DDI2: variants seen among roughly 807,000 people sequenced by gnomAD.
The protein encoded by DDI2 is protein DDI1 homolog 2.
A neutral mutation model predicts 48.1 loss-of-function variants in DDI2; 5 were observed. The ratio of observed to expected loss-of-function variants is 0.10; its 90% CI spans 0.05 to 0.22. The LOEUF (loss-of-function observed/expected upper bound fraction) is 0.22. DDI2 is among the 10% of genes least tolerant of loss of function. The pLI is 1.00. For synonymous variants in DDI2, 205 were observed against 183.6 expected (o/e 1.12, Z -0.94); for missense variants, 285 against 506.2 (o/e 0.56, Z 4.19).
intron 9 of DDI2, chr1:15,656,988 A>G (rs974790911): frequency 4.7e-6 from 1 of 213,484 alleles, no homozygotes; most frequent in Non-Finnish European, 9.3e-6. Context: ...TGGCCTCACA[A>G]CACTTTGTTG....
At chr1:15,636,930 T>C (rs1172451452) in intron 4 of DDI2, among the ~76,000 whole-genome samples, 1 of 152,254 alleles carries the variant, frequency 6.6e-6, no homozygotes, top group Non-Finnish European at 1.5e-5. Flanking sequence ...TTTTTTTGCC[T>C]AAACAGCAGG....
intron 8 of DDI2, chr1:15,656,388 C>G (rs976193080): frequency 7.2e-7 from 1 of 1,391,858 alleles, no homozygotes; most frequent in African/African-American, 1.5e-5. Context: ...AATTTCTTTA[C>G]AAGATCTATT....
intron 9 of DDI2, among the ~76,000 whole-genome samples, chr1:15,658,787 G>A (rs563789417): frequency 7.9e-5 from 12 of 151,812 alleles, no homozygotes; most frequent in East Asian, 1.9e-4. Context: ...ACTTACATGC[G>A]TAGAGGTCAA....
At chr1:15,652,841 A>T (rs934073909) in intron 8 of DDI2, among the ~76,000 whole-genome samples, 4 of 151,122 alleles carry the variant, frequency 2.6e-5, no homozygotes, top group African/African-American at 9.7e-5. Context: ...ATAATAATAA[A>T]AATTAAAAAA....
rs1640186317 is a variant in DDI2 at position 15,651,717 on chromosome 1, C to T, written c.1005C>T (p.Asp335=). ...DMLKRHQCSI[D]LKKNVLVIGT... ...TTCTTTCTTCCAAGTGTTCCATCGACCTGAAGAAAAATGTACTCGTGATCG... is the reference window on the plus strand; with the variant it reads ...TTCTTTCTTCCAAGTGTTCCATCGATCTGAAGAAAAATGTACTCGTGATCG... Residue 335 remains aspartate, a synonymous_variant, in exon 8 of 10, where the codon GAC becomes GAT. Coordinates refer to ENST00000480945, the MANE Select transcript of DDI2 (RefSeq NM_032341.5). 6.2e-7 allele frequency: 1 copy of T among 1,604,670 alleles called. No individual in the cohort carries two copies. Among genetic ancestry groups the T allele is most frequent in the African/African-American group, 1.3e-5 (1 of 74,382 alleles).
At position 15,660,092 on chromosome 1, in the gene DDI2, A is replaced by G. The variant is rs557366280; in HGVS notation, c.*302A>G. ...GAAAAGAAAGAACATCTTTCTTTAC[A>G]AGATCTTTCTGATCATGCTTCCTCA... On this transcript the variant is annotated 3_prime_UTR_variant, in exon 10 of 10. Coordinates refer to ENST00000480945, the MANE Select transcript of DDI2 (RefSeq NM_032341.5). 2.5e-6 allele frequency: 4 copies of G among 1,614,104 alleles called. No homozygotes were observed. In the African/African-American group the frequency reaches 5.3e-5, roughly 22 times the overall value.
intron 1 of DDI2, among the ~76,000 whole-genome samples, chr1:15,624,224 C>T (rs768528351): frequency 3.3e-5 from 5 of 152,166 alleles, no homozygotes; most frequent in Non-Finnish European, 7.4e-5. Context: ...TGCCTACCTG[C>T]CATTTCTCTT....
At chr1:15,656,835 T>A in intron 9 of DDI2, 156 bp downstream of exon 9, 1 of 981,386 alleles carries the variant, frequency 1.0e-6, no homozygotes, top group Non-Finnish European at 1.5e-6. Flanking sequence ...TATTTTGGCA[T>A]GCATACATGG....
chr1:15,654,937 C>CTTT (rs60979134), intron 8 of DDI2, among the ~76,000 whole-genome samples: 50 of 140,658 alleles, frequency 3.6e-4, no homozygotes, highest in South Asian at 1.2e-3. Flanking sequence ...TATGAAATGT[C>CTTT]TTTTTTTTTT....
chr1:15,630,463 C>T lies in DDI2; in HGVS notation c.407C>T (p.Ala136Val). 6.2e-7 allele frequency: 1 copy of T among 1,614,212 alleles called. No individual in the cohort carries two copies. The highest frequency in any genetic ancestry group is 8.5e-7 in the Non-Finnish European group (1 of 1,180,038). The change falls in exon 3 of 10, where the codon GCC becomes GTC. Residue 136 changes from alanine to valine, a missense_variant. By Grantham distance (64) the Ala-to-Val change is moderately conservative. Transcript: ENST00000480945. ...TSSPQGLDNPALLRDMLLANP... is the reference protein window; with the variant it reads ...TSSPQGLDNPVLLRDMLLANP... ...TCTCCTCAGGGCTTGGACAATCCAGCCTTGCTCCGAGATATGTTGCTGGCC... is the reference window on the plus strand; with the variant it reads ...TCTCCTCAGGGCTTGGACAATCCAGTCTTGCTCCGAGATATGTTGCTGGCC...
At position 15,663,993 on chromosome 1, in the gene DDI2, A is replaced by T. The variant is rs1640416127; in HGVS notation, c.*4203A>T. 1 of 152,126 alleles carries T rather than the reference A, an allele frequency of 6.6e-6. No individual in the cohort carries two copies. The highest frequency in any genetic ancestry group is 6.6e-5 in the Admixed American group (1 of 15,266). 9.4% of individuals were successfully genotyped at this position (152,126 alleles called of 1,614,324 possible). On this transcript the variant is annotated 3_prime_UTR_variant, in exon 10 of 10. Coordinates refer to ENST00000480945, the MANE Select transcript of DDI2 (RefSeq NM_032341.5). ...TATGTATATTTATTTTTAGGAATAGATCTATAGTTGTACATGAATTCCTGT... is the reference window on the plus strand; with the variant it reads ...TATGTATATTTATTTTTAGGAATAGTTCTATAGTTGTACATGAATTCCTGT...
At chr1:15,656,425 C>T (rs1049603393) in intron 8 of DDI2, 192 bp from the exon 9 acceptor site, 7 of 1,440,198 alleles carry the variant, frequency 4.9e-6, no homozygotes, top group African/African-American at 2.9e-5. Context: ...TAACAGATTG[C>T]TGTGTGTATT....
intron 8 of DDI2, among the ~76,000 whole-genome samples, chr1:15,652,852 A>G (rs1173357463): frequency 2.0e-5 from 3 of 151,814 alleles, no homozygotes; most frequent in African/African-American, 7.3e-5. Context: ...AATTAAAAAA[A>G]AATTAGCAGG....
intron 1 of DDI2, among the ~76,000 whole-genome samples, chr1:15,620,768 A>G (rs1359577524): frequency 6.6e-6 from 1 of 152,222 alleles, no homozygotes; most frequent in African/African-American, 2.4e-5. Flanking sequence ...CATAACGTGC[A>G]TTATATGCAT....
chr1:15,619,358 T>C (rs1639619150), intron 1 of DDI2, among the ~76,000 whole-genome samples: 1 of 152,044 alleles, frequency 6.6e-6, no homozygotes, highest in Non-Finnish European at 1.5e-5. Context: ...ACTCCTGACC[T>C]CTAGTGATCT....
At chr1:15,630,685 C>T in intron 3 of DDI2, 124 bp downstream of exon 3, 1 of 705,648 alleles carries the variant, frequency 1.4e-6, no homozygotes, top group Non-Finnish European at 2.4e-6. Context: ...AGTTTTTTCT[C>T]TGTGAGAGGT....
At chr1:15,656,814 A>G (rs985252832) in intron 9 of DDI2, 135 bp downstream of exon 9, 5 of 1,234,098 alleles carry the variant, frequency 4.1e-6, no homozygotes, top group South Asian at 1.5e-5. Flanking sequence ...CAACTAGCCT[A>G]TATGCATTTG....
Position 15,633,510 on chromosome 1 carries a change from T to A in DDI2, c.577T>A (p.Phe193Ile), listed in dbSNP as rs1639879756. ...ARREQERIRL[F>I]SADPFDLEAQ... ...GAGAGAGCAAGAAAGGATTCGTCTGTTTTCTGCTGATCCCTTTGACCTTGA... is the reference window on the plus strand; with the variant it reads ...GAGAGAGCAAGAAAGGATTCGTCTGATTTCTGCTGATCCCTTTGACCTTGA... The change falls in exon 4 of 10, where the codon TTT becomes ATT. Residue 193 changes from phenylalanine to isoleucine, a missense_variant. Phe to Ile is a conservative substitution (Grantham distance 21). Transcript: ENST00000480945. The A allele has an allele frequency of 8.7e-6, 14 of 1,613,684 alleles. No homozygotes were observed. Among genetic ancestry groups the A allele is most frequent in the Non-Finnish European group, 1.2e-5 (14 of 1,179,796 alleles).
intron 1 of DDI2, among the ~76,000 whole-genome samples, chr1:15,623,387 C>CTTCTTTTTTTTTTT (rs1553152999): frequency 4.7e-5 from 5 of 107,516 alleles, no homozygotes; most frequent in African/African-American, 1.9e-4. Context: ...TTTTCTTCTT[C>CTTCTTTTTTTTTTT]TTTTTTTTTT....
Sources: allele counts gnomAD v4.1 joint callset (sites outside exome capture counted in the v4.1 genomes callset), GRCh38; gene constraint gnomAD v4.1.1; transcripts MANE v1.5; gene names NCBI Gene and HGNC (gene_info 2026-07-23, HGNC 2026-07-21).